The following ASIC2 variants were observed in gnomAD, a reference collection of about 807,000 sequenced individuals.
ASIC2 encodes the protein acid sensing ion channel subunit 2.
In ASIC2, 25 loss-of-function variants were observed where a neutral mutation model predicts 57.3. That is an observed-to-expected ratio of 0.44 (90% CI 0.32 to 0.61). ASIC2 has a LOEUF of 0.61. ASIC2 is among the 20% of genes least tolerant of loss of function. The probability of loss-of-function intolerance (pLI) is 0.06; values close to 1 mark genes in which losing one functional copy is unlikely to be tolerated. For missense variants in ASIC2, 641 were observed against 738.1 expected (o/e 0.87, Z 1.52); for synonymous variants, 319 against 307.5 (o/e 1.04, Z -0.39).
chr17:33,507,992 G>T (rs952310143), intron 1 of ASIC2, among the ~76,000 whole-genome samples: 2 of 152,208 alleles, frequency 1.3e-5, no homozygotes, highest in Non-Finnish European at 1.5e-5. Flanking sequence ...GAGGGCCACA[G>T]TTCGCTGACT....
rs556449286 is a variant in ASIC2, at chr17:33,590,583, T to C, written c.556-478516A>G. 4.7e-5 allele frequency among the ~76,000 whole-genome samples: 7 copies of C among 149,808 alleles called. No individual in the cohort carries two copies. In the East Asian group the frequency reaches 1.4e-3, roughly 29 times the overall value. On this transcript the variant is annotated intron_variant, in intron 1 of 9. Transcript: ENST00000359872. ...CCCCAATCTCTACACCACACCCCAA[T>C]CTCTATACCACACCCCAGTCTCTAC... is the stretch of plus-strand genomic sequence containing the variant.
At chr17:33,934,255 G>A (rs1188045506) in intron 1 of ASIC2, among the ~76,000 whole-genome samples, 4 of 152,162 alleles carry the variant, frequency 2.6e-5, no homozygotes, top group African/African-American at 9.7e-5. Context: ...ATTCTCTGAG[G>A]CCACAGCCTT....
In ASIC2 at chr17:33,224,594, A is replaced by T. The variant is rs1038548869; in HGVS notation, c.708+66814T>A. The stretch of plus-strand genomic sequence containing the variant: ...TAAATGAATGAATGTATGCATGTGG[A>T]AACAGGGAGGAGGGGAGGAAAGTGC... On this transcript the variant is annotated intron_variant, in intron 1 of 9. Transcript: ENST00000225823. 7.9e-5 allele frequency among the ~76,000 whole-genome samples: 12 copies of T among 152,332 alleles called. No homozygotes were observed. The South Asian group carries it at 1.2e-3, about 16-fold the overall frequency.
chr17:33,577,175 T>C (rs1274558313), intron 1 of ASIC2, among the ~76,000 whole-genome samples: 1 of 152,130 alleles, frequency 6.6e-6, no homozygotes, highest in Non-Finnish European at 1.5e-5. Context: ...CTGAGTGCTG[T>C]GTGATTTATA....
At chr17:33,981,464 T>A (rs927826854) in intron 1 of ASIC2, among the ~76,000 whole-genome samples, 2 of 152,194 alleles carry the variant, frequency 1.3e-5, no homozygotes. Flanking sequence ...CTGTTCTTAC[T>A]TAACACACGA....
intron 1 of ASIC2, among the ~76,000 whole-genome samples, chr17:33,186,438 C>T (rs1041904077): frequency 5.3e-5 from 8 of 152,210 alleles, no homozygotes; most frequent in South Asian, 2.1e-4. Flanking sequence ...GGGCATTTCT[C>T]GCTTTATTTT....
At position 33,963,128 on chromosome 17, in the gene ASIC2, G is replaced by C. The variant is rs1597951784; in HGVS notation, c.555+192850C>G. Among the ~76,000 whole-genome samples, 2 of 152,250 alleles carry C rather than the reference G, an allele frequency of 1.3e-5. 1 individual carries two copies. Among genetic ancestry groups the C allele is most frequent in the Admixed American group, 1.3e-4 (2 of 15,290 alleles). ...GTGTACAGCACCCACTTGCCCCAGG[G>C]TTGCACAGCTCATAACTGCAGGAGT... On this transcript the variant is annotated intron_variant, in intron 1 of 9. Coordinates refer to the ASIC2 transcript ENST00000359872.
At chr17:33,454,513 T>G (rs1161293201) in intron 1 of ASIC2, among the ~76,000 whole-genome samples, 3 of 152,328 alleles carry the variant, frequency 2.0e-5, no homozygotes, top group Admixed American at 2.0e-4. Context: ...CTTAACTGCT[T>G]TGTTTGTAAG....
chr17:33,115,173 C>A (rs1158850568), intron 1 of ASIC2, among the ~76,000 whole-genome samples: 2 of 152,172 alleles, frequency 1.3e-5, no homozygotes, highest in Non-Finnish European at 2.9e-5. Flanking sequence ...GCTCCTTCTT[C>A]TGGGGGCAGT....
chr17:33,744,688 G>GA (rs562305606), intron 1 of ASIC2, among the ~76,000 whole-genome samples: 1 of 152,004 alleles, frequency 6.6e-6, no homozygotes, highest in Non-Finnish European at 1.5e-5. Flanking sequence ...CCATATACAA[G>GA]AAAAAAAGCA....
intron 1 of ASIC2, among the ~76,000 whole-genome samples, chr17:33,708,739 C>T (rs1908936773): frequency 1.3e-5 from 2 of 152,154 alleles, no homozygotes; most frequent in South Asian, 4.1e-4. Context: ...ATCTCCTCCC[C>T]TTTCCTCTCC....
In ASIC2 at chr17:33,254,537, GGTTTTTGCCCATACA is replaced by G. The variant is rs552952476; in HGVS notation, c.708+36856_708+36870del. Among the ~76,000 whole-genome samples, 17 of 151,958 alleles carry G rather than the reference GGTTTTTGCCCATACA, an allele frequency of 1.1e-4. No homozygotes were observed. In the South Asian group the frequency reaches 3.1e-3, roughly 28 times the overall value. On this transcript the variant is annotated intron_variant, in intron 1 of 9. Coordinates refer to ENST00000225823, the MANE Select transcript of ASIC2 (RefSeq NM_183377.2). ...TGCACCCAGCTTCCTCTTACCCCCA[GGTTTTTGCCCATACA>G]GTTTTTGCCCATAGCCTGGTAGACC... is the stretch of plus-strand genomic sequence containing the variant.
chr17:33,786,777 T>C (rs1024387549), intron 1 of ASIC2, among the ~76,000 whole-genome samples: 12 of 152,130 alleles, frequency 7.9e-5, no homozygotes, highest in Non-Finnish European at 1.2e-4. Flanking sequence ...TGTTGATGGC[T>C]TATCTCTCTT....
intron 1 of ASIC2, among the ~76,000 whole-genome samples, chr17:33,630,759 G>C (rs897280176): frequency 2.0e-5 from 3 of 152,184 alleles, no homozygotes; most frequent in Non-Finnish European, 2.9e-5. Context: ...GCAGTGTTCA[G>C]TCACACTGCC....
intron 1 of ASIC2, among the ~76,000 whole-genome samples, chr17:33,443,784 A>T (rs946407958): frequency 2.7e-5 from 4 of 150,194 alleles, no homozygotes; most frequent in Non-Finnish European, 5.9e-5. Flanking sequence ...CAGATTTTCT[A>T]TTTTTTTTTC....
chr17:33,316,920 C>A (rs1162305608), intron 1 of ASIC2, among the ~76,000 whole-genome samples: 2 of 152,172 alleles, frequency 1.3e-5, no homozygotes, highest in African/African-American at 4.8e-5. Context: ...CTGGTGCTGA[C>A]AAGGTACTAC....
chr17:33,440,819 T>C (rs1312448318), intron 1 of ASIC2, among the ~76,000 whole-genome samples: 13 of 152,274 alleles, frequency 8.5e-5, no homozygotes, highest in African/African-American at 2.9e-4. Context: ...TCGTTTGTTT[T>C]CTTGTAATCG....
chr17:33,578,079 C>T (rs1916694757), intron 1 of ASIC2, among the ~76,000 whole-genome samples: 1 of 152,194 alleles, frequency 6.6e-6, no homozygotes, highest in African/African-American at 2.4e-5. Context: ...GAACATACTT[C>T]CCGTCTCCTA....
chr17:33,403,650 A>T (rs1311938794), intron 1 of ASIC2, among the ~76,000 whole-genome samples: 1 of 152,268 alleles, frequency 6.6e-6, no homozygotes, highest in African/African-American at 2.4e-5. Flanking sequence ...GATTTGCTGT[A>T]CTTAGTACAA....
Sources: allele counts gnomAD v4.1 joint callset (sites outside exome capture counted in the v4.1 genomes callset), GRCh38; gene constraint gnomAD v4.1.1; transcripts MANE v1.5; gene names NCBI Gene and HGNC (gene_info 2026-07-23, HGNC 2026-07-21).